ADARB2: variants seen among roughly 807,000 people sequenced by gnomAD.
The protein encoded by ADARB2 is adenosine deaminase RNA specific B2 (inactive).
Under a neutral mutation model 62.2 loss-of-function variants are expected in ADARB2, and 25 were observed. That is an observed-to-expected ratio of 0.40 (90% CI 0.29 to 0.56). The LOEUF is 0.56. ADARB2 is among the 20% of genes least tolerant of loss of function. The pLI is 0.43. For missense variants in ADARB2, 1,071 were observed against 1,077.4 expected (o/e 0.99, Z 0.08); for synonymous variants, 572 against 500.8 (o/e 1.14, Z -1.90).
chr10:1,308,422 T>G (rs545063135), intron 3 of ADARB2, among the ~76,000 whole-genome samples: 2 of 152,374 alleles, frequency 1.3e-5, no homozygotes, highest in East Asian at 3.9e-4. Context: ...TTTCGTTGCT[T>G]TCATGTTTTG....
chr10:1,578,047 A>G (rs1343125922), intron 1 of ADARB2, among the ~76,000 whole-genome samples: 1 of 152,206 alleles, frequency 6.6e-6, no homozygotes, highest in Non-Finnish European at 1.5e-5. Flanking sequence ...GAAGCAGGAA[A>G]GTCAGTTGCT....
At chr10:1,501,677 G>A (rs1465666498) in intron 1 of ADARB2, among the ~76,000 whole-genome samples, 1 of 152,218 alleles carries the variant, frequency 6.6e-6, no homozygotes, top group Non-Finnish European at 1.5e-5. Context: ...CTCGCCAGTA[G>A]CCTGTTTTGA....
intron 1 of ADARB2, among the ~76,000 whole-genome samples, chr10:1,641,101 C>A (rs11250692): frequency 0.5 from 75,385 of 152,160 alleles, 20,922 homozygotes; most frequent in East Asian, 0.69. Context: ...TCATAAACTA[C>A]AAATATATAT....
intron 4 of ADARB2, among the ~76,000 whole-genome samples, chr10:1,243,984 AGCC>A (rs1830953243): frequency 6.6e-6 from 1 of 152,224 alleles, no homozygotes; most frequent in South Asian, 2.1e-4. Flanking sequence ...GGACACGACC[AGCC>A]GCCCTGAGGT....
chr10:1,275,482 T>A (rs372240379), intron 3 of ADARB2, among the ~76,000 whole-genome samples: 1 of 151,804 alleles, frequency 6.6e-6, no homozygotes. Flanking sequence ...CATTCCCGAC[T>A]CCACAGCCAG....
chr10:1,595,903 T>C (rs1833327403), intron 1 of ADARB2, among the ~76,000 whole-genome samples: 1 of 152,224 alleles, frequency 6.6e-6, no homozygotes, highest in Non-Finnish European at 1.5e-5. Context: ...GGAAAGTAAA[T>C]GTGCTGTGTT....
chr10:1,698,727 A>G (rs1834780643), intron 1 of ADARB2, among the ~76,000 whole-genome samples: 2 of 127,940 alleles, frequency 1.6e-5, no homozygotes, highest in South Asian at 2.3e-4. Flanking sequence ...GTGAAGGTAG[A>G]AAGAGTTGAA....
chr10:1,684,737 C>T (rs1032740346), intron 1 of ADARB2, among the ~76,000 whole-genome samples: 17 of 152,110 alleles, frequency 1.1e-4, no homozygotes, highest in African/African-American at 2.4e-4. Flanking sequence ...TTCTGGCAAA[C>T]GGGAAAAGCT....
intron 1 of ADARB2, among the ~76,000 whole-genome samples, chr10:1,685,777 G>A (rs1588352252): frequency 6.6e-6 from 1 of 152,204 alleles, no homozygotes; most frequent in African/African-American, 2.4e-5. Flanking sequence ...TCTCCTGGCT[G>A]GAATCAAGGT....
chr10:1,373,236 T>G (rs1832388292), intron 2 of ADARB2, among the ~76,000 whole-genome samples: 1 of 152,026 alleles, frequency 6.6e-6, no homozygotes, highest in Non-Finnish European at 1.5e-5. Context: ...TGTCTCCGTG[T>G]CTCTCTCTGT....
At chr10:1,202,244 TTGTG>T (rs951251819) in intron 7 of ADARB2, among the ~76,000 whole-genome samples, 7 of 151,674 alleles carry the variant, frequency 4.6e-5, no homozygotes, top group Non-Finnish European at 7.4e-5. Flanking sequence ...CACCTGGTCT[TTGTG>T]TGTGTGTGTG....
chr10:1,483,720 T>G (rs1456692992), intron 1 of ADARB2, among the ~76,000 whole-genome samples: 1 of 64,726 alleles, frequency 1.5e-5, no homozygotes, highest in Non-Finnish European at 3.3e-5. Flanking sequence ...TGATTTAGCA[T>G]TTACAGGTTT....
intron 5 of ADARB2, 140 bp from the exon 6 acceptor site, chr10:1,233,985 T>TTTTTTTTTTTTG (rs1830836112): frequency 9.7e-7 from 1 of 1,035,512 alleles, no homozygotes. Context: ...TTCCTTTTTT[T>TTTTTTTTTTTTG]TTTGAGACGG....
At chr10:1,317,264 C>T (rs1472907892) in intron 3 of ADARB2, among the ~76,000 whole-genome samples, 7 of 152,094 alleles carry the variant, frequency 4.6e-5, no homozygotes, top group Admixed American at 3.9e-4. Context: ...ATTATTATGC[C>T]GTATCTTCTA....
chr10:1,574,004 C>T (rs552347245), intron 1 of ADARB2, among the ~76,000 whole-genome samples: 1 of 152,340 alleles, frequency 6.6e-6, no homozygotes, highest in Admixed American at 6.5e-5. Context: ...AATGACAAGA[C>T]CTCCGTGATG....
At chr10:1,592,957 C>A (rs1588315525) in intron 1 of ADARB2, among the ~76,000 whole-genome samples, 1 of 100,448 alleles carries the variant, frequency 1.0e-5, no homozygotes, top group Non-Finnish European at 2.0e-5. Context: ...TTCCCTCGCC[C>A]AAGCCACCCT....
intron 1 of ADARB2, among the ~76,000 whole-genome samples, chr10:1,736,059 A>G (rs1835296335): frequency 6.6e-6 from 1 of 152,170 alleles, no homozygotes; most frequent in Admixed American, 6.5e-5. Context: ...TGTTTTTCCA[A>G]CCGTTCTTTA....
intron 1 of ADARB2, among the ~76,000 whole-genome samples, chr10:1,522,590 G>T (rs1588286611): frequency 6.6e-6 from 1 of 152,150 alleles, no homozygotes; most frequent in African/African-American, 2.4e-5. Context: ...AGCTCCTTCT[G>T]TCACTCAGTG....
Position 1,199,995 on chromosome 10 carries a change from G to T in ADARB2, c.1835C>A (p.Ser612Tyr). 6.4e-7 allele frequency: 1 copy of T among 1,573,872 alleles called. No individual in the cohort carries two copies. Among genetic ancestry groups the T allele is most frequent in the Non-Finnish European group, 8.6e-7 (1 of 1,163,156 alleles). ...GAGGAGAGGCCGGTTGTGCCGGTAG[G>T]AGGCGGGCAGCTGGCCGACACCCTC... ...RMEGVGQLPA[S>Y]YRHNRPLLSG... The change falls in exon 8 of 10, where the codon TCC becomes TAC. Residue 612 changes from serine (S) to tyrosine (Y), a missense_variant. By Grantham distance (144) the Ser-to-Tyr change is moderately radical. Coordinates refer to ENST00000381312, the MANE Select transcript of ADARB2 (RefSeq NM_018702.4).
Sources: gnomAD v4.1 joint callset for allele counts (sites outside exome capture counted in the v4.1 genomes callset) on GRCh38, gnomAD v4.1.1 for gene constraint, MANE v1.5 for transcripts, NCBI Gene and HGNC (gene_info 2026-07-23, HGNC 2026-07-21) for gene names.